Variants in C1orf141 observed in about 807,000 individuals in gnomAD.
C1orf141 encodes chromosome 1 open reading frame 141, also known as uncharacterized protein C1orf141.
In C1orf141, 19 loss-of-function variants were observed where a neutral mutation model predicts 23.2. The ratio of observed to expected loss-of-function variants is 0.82; its 90% CI spans 0.57 to 1.20. The LOEUF is 1.20. Ranked by LOEUF, C1orf141 falls within the 50% of genes most tolerant of loss-of-function variation. The probability of loss-of-function intolerance (pLI) is 0.00; values close to 1 mark genes in which losing one functional copy is unlikely to be tolerated. For synonymous variants in C1orf141, 153 were observed against 154.6 expected, an observed-to-expected ratio of 0.99 and a Z score of 0.08; for missense variants, 469 against 455.1, an observed-to-expected ratio of 1.03 and a Z score of -0.28.
At chr1:67,110,394 T>G (rs1323753200) in intron 5 of C1orf141, among the ~76,000 whole-genome samples, 1 of 152,044 alleles carries the variant, frequency 6.6e-6, no homozygotes, top group Non-Finnish European at 1.5e-5. Flanking sequence ...GGATGCACGG[T>G]GGTATAAACA....
intron 5 of C1orf141, among the ~76,000 whole-genome samples, chr1:67,111,082 A>G (rs572326935): frequency 6.6e-6 from 1 of 152,070 alleles, no homozygotes; most frequent in African/African-American, 2.4e-5. Flanking sequence ...GTCACTCTTC[A>G]GCATGCCCAT....
chr1:67,125,390 A>G (rs1044595422), intron 4 of C1orf141, among the ~76,000 whole-genome samples: 3 of 152,184 alleles, frequency 2.0e-5, no homozygotes, highest in Non-Finnish European at 4.4e-5. Context: ...GACAGATATA[A>G]AGTAATGTTT....
chr1:67,095,198 C>T, intron 7 of C1orf141, 37 bp downstream of exon 7: 2 of 1,188,956 alleles, frequency 1.7e-6, no homozygotes, highest in Non-Finnish European at 2.4e-6. Context: ...CTTATGACTA[C>T]ACATATTTAC....
chr1:67,128,373 ATTTATTTAT>A (rs1055363074), intron 2 of C1orf141, among the ~76,000 whole-genome samples: 2 of 9,330 alleles, frequency 2.1e-4, no homozygotes, highest in African/African-American at 7.2e-4. Flanking sequence ...TTATTTATTT[ATTTATTTAT>A]TTATTTATTT....
intron 5 of C1orf141, among the ~76,000 whole-genome samples, chr1:67,112,656 A>G (rs1017331863): frequency 1.3e-5 from 2 of 152,150 alleles, no homozygotes; most frequent in Non-Finnish European, 2.9e-5. Flanking sequence ...AGCCGTGACC[A>G]CACTGCTGCA....
chr1:67,100,572 G>C (rs1329724157), intron 5 of C1orf141, among the ~76,000 whole-genome samples: 1 of 151,874 alleles, frequency 6.6e-6, no homozygotes, highest in African/African-American at 2.4e-5. Flanking sequence ...CTGGTTCATG[G>C]GGTACAAATT....
Position 67,092,949 on chromosome 1 carries a change from T to TTTGGAAC in C1orf141, c.*49_*55dup, listed in dbSNP as rs1645583634. 3.6e-6 allele frequency: 5 copies of TTTGGAAC among 1,376,260 alleles called. No individual in the cohort carries two copies. In the East Asian group the frequency reaches 1.2e-4, roughly 32 times the overall value. 85.3% of individuals were successfully genotyped at this position (1,376,260 alleles called of 1,614,324 possible). A position where few individuals can be genotyped will look rare whatever the true frequency, so the allele number is the denominator to read the frequency against. On this transcript the variant is annotated 3_prime_UTR_variant, in exon 8 of 8. Coordinates refer to ENST00000684719, the MANE Select transcript of C1orf141 (RefSeq NM_001276351.2). ...TTTGGATAAGAATTTCTTTTATAAT[T>TTTGGAAC]TTGGAACTTGGATATTTGCTTCTTG...
chr1:67,136,446 T>C (rs1646585838), upstream of C1orf141, among the ~76,000 whole-genome samples: 2 of 152,208 alleles, frequency 1.3e-5, no homozygotes, highest in Non-Finnish European at 2.9e-5. Context: ...GTGATTTGTC[T>C]AAGATTGTTG....
chr1:67,115,445 C>T lies in C1orf141; in HGVS notation c.253G>A (p.Glu85Lys). 2 of 1,452,624 alleles carry T rather than the reference C, an allele frequency of 1.4e-6. No individual in the cohort carries two copies. Among genetic ancestry groups the T allele is most frequent in the Admixed American group, 2.0e-5 (1 of 51,140 alleles). The allele number at this position is 1,452,624 out of a possible 1,614,324, so 90.0% of individuals were successfully genotyped here. A position where few individuals can be genotyped will look rare whatever the true frequency, so the allele number is the denominator to read the frequency against. ...AAATTACTCTTTCTAGGTTCAGGCT[C>T]ACATTTGAAAGAGACATGCCTGGAA... ...KSKMHVSFKC[E>K]PEPRKSNFEK... Residue 85 changes from glutamate (E) to lysine (K), a missense_variant, in exon 5 of 8, where the codon GAG becomes AAG. Transcript: ENST00000684719.
At chr1:67,114,518 G>T (rs963587213) in intron 5 of C1orf141, among the ~76,000 whole-genome samples, 1 of 152,158 alleles carries the variant, frequency 6.6e-6, no homozygotes, top group Non-Finnish European at 1.5e-5. Flanking sequence ...GCAATAGGGG[G>T]TGATGTGGAG....
chr1:67,132,805 G>A (rs1646539129), intron 1 of C1orf141, among the ~76,000 whole-genome samples: 1 of 152,188 alleles, frequency 6.6e-6, no homozygotes. Context: ...TGGGGTTATT[G>A]CCAATCTAAA....
chr1:67,125,863 G>T lies in C1orf141; in HGVS notation c.122C>A (p.Pro41His). 3 of 1,613,268 alleles carry T rather than the reference G, an allele frequency of 1.9e-6. No individual in the cohort carries two copies. Among genetic ancestry groups the T allele is most frequent in the South Asian group, 1.1e-5 (1 of 91,044 alleles). The change falls in exon 4 of 8, where the codon CCC becomes CAC. Residue 41 changes from proline to histidine, a missense_variant. By Grantham distance (77) the Pro-to-His change is moderately conservative. Coordinates refer to ENST00000684719, the MANE Select transcript of C1orf141 (RefSeq NM_001276351.2). ...TTCCAACTGAAAATCAAATGTCAGG[G>T]GTATAGCCATAGTTGTTTTTCTTCC... ...SEGRKTTMAIPLTFDFQLEFE... is the reference protein window; with the variant it reads ...SEGRKTTMAIHLTFDFQLEFE...
chr1:67,103,286 T>C lies in C1orf141; in HGVS notation c.347-6965A>G, dbSNP rs1216814707. The C allele has an allele frequency of 1.2e-5, 18 of 1,486,206 alleles. 1 individual carries two copies. The highest frequency in any genetic ancestry group is 3.5e-4 in the Middle Eastern group (2 of 5,712). The allele number at this position is 1,486,206 out of a possible 1,614,324, so 92.1% of individuals were successfully genotyped here. A position where few individuals can be genotyped will look rare whatever the true frequency, so the allele number is the denominator to read the frequency against. On this transcript the variant is annotated intron_variant, in intron 5 of 7. Transcript: ENST00000684719. ...TCCTTTTTATGAGCATTAGACTGAA[T>C]GTTGAACATAGGAGAAAAGTCTGTA...
At chr1:67,128,931 A>G (rs181549132) in intron 2 of C1orf141, among the ~76,000 whole-genome samples, 33 of 152,282 alleles carry the variant, frequency 2.2e-4, no homozygotes, top group East Asian at 5.8e-4. Flanking sequence ...TGCCACATGG[A>G]GACAACAGTT....
chr1:67,101,718 T>C (rs1344597517), intron 5 of C1orf141, among the ~76,000 whole-genome samples: 2 of 152,160 alleles, frequency 1.3e-5, no homozygotes, highest in Admixed American at 1.3e-4. Context: ...GTTATTCATT[T>C]TGGCCAGGAT....
At chr1:67,141,323 T>C (rs908369945) in intron 1 of C1orf141, among the ~76,000 whole-genome samples, 1 of 152,200 alleles carries the variant, frequency 6.6e-6, no homozygotes, top group Non-Finnish European at 1.5e-5. Flanking sequence ...TAGAAACTAT[T>C]AATGTATTAT....
intron 5 of C1orf141, among the ~76,000 whole-genome samples, chr1:67,098,296 G>A (rs1645728527): frequency 1.3e-5 from 2 of 152,160 alleles, no homozygotes; most frequent in Non-Finnish European, 2.9e-5. Flanking sequence ...TGAGGTGGGT[G>A]GATCACTTGA....
intron 5 of C1orf141, among the ~76,000 whole-genome samples, chr1:67,104,132 TAAATA>T (rs1325645380): frequency 2.0e-5 from 3 of 152,144 alleles, no homozygotes; most frequent in African/African-American, 7.2e-5. Flanking sequence ...AAAACAGTAG[TAAATA>T]AAATAGAGTA....
At chr1:67,100,401 T>C (rs1035211263) in intron 5 of C1orf141, among the ~76,000 whole-genome samples, 1 of 152,220 alleles carries the variant, frequency 6.6e-6, no homozygotes, top group African/African-American at 2.4e-5. Flanking sequence ...AATTTTAAGT[T>C]ACCTAGTAGC....
Sources: allele counts gnomAD v4.1 joint callset (sites outside exome capture counted in the v4.1 genomes callset), GRCh38; gene constraint gnomAD v4.1.1; transcripts MANE v1.5; gene names NCBI Gene and HGNC (gene_info 2026-07-23, HGNC 2026-07-21).